The following MTR variants were observed in gnomAD, a reference collection of about 807,000 sequenced individuals.
The protein encoded by MTR is 5-methyltetrahydrofolate-homocysteine methyltransferase, also known as methionine synthase.
A neutral mutation model predicts 154.8 loss-of-function variants in MTR; 84 were observed. The ratio of observed to expected loss-of-function variants is 0.54; its 90% confidence interval spans 0.45 to 0.65. The LOEUF (loss-of-function observed/expected upper bound fraction) is 0.65. Ranked by LOEUF, MTR falls within the 30% of genes least tolerant of loss-of-function variation. The pLI is 0.00. For missense variants in MTR, 1,275 were observed against 1,570.2 expected, an observed-to-expected ratio of 0.81 and a Z score of 3.18; for synonymous variants, 554 against 553.9, an observed-to-expected ratio of 1.00 and a Z score of 0.00.
intron 24 of MTR, among the ~76,000 whole-genome samples, chr1:236,876,802 C>T (rs1665460263): frequency 6.6e-6 from 1 of 152,154 alleles, no homozygotes; most frequent in African/African-American, 2.4e-5. Flanking sequence ...CAGTTGCAAC[C>T]TGATATATCA....
chr1:236,820,000 T>C (rs1558285075), intron 8 of MTR: 1 of 1,115,350 alleles, frequency 9.0e-7, no homozygotes, highest in East Asian at 2.3e-5. Flanking sequence ...CCATGGCTTC[T>C]TGTGGTTACT....
intron 20 of MTR, among the ~76,000 whole-genome samples, 194 bp from the exon 21 acceptor site, chr1:236,862,042 T>G (rs1664576035): frequency 6.6e-6 from 1 of 152,248 alleles, no homozygotes; most frequent in African/African-American, 2.4e-5. Context: ...GTTTTCCTTC[T>G]GCTGTACCTT....
At chr1:236,828,928 T>A (rs1315033534) in intron 11 of MTR, among the ~76,000 whole-genome samples, 1 of 152,038 alleles carries the variant, frequency 6.6e-6, no homozygotes, top group Non-Finnish European at 1.5e-5. Context: ...CAGGTTCATG[T>A]CTCAGAAAGT....
intron 13 of MTR, among the ~76,000 whole-genome samples, chr1:236,835,111 G>A (rs974434534): frequency 1.3e-5 from 2 of 152,006 alleles, no homozygotes; most frequent in African/African-American, 4.8e-5. Context: ...GATGGGGCTT[G>A]AGCTGGGTCT....
chr1:236,875,842 GAAA>G, intron 24 of MTR, among the ~76,000 whole-genome samples: 1 of 152,248 alleles, frequency 6.6e-6, no homozygotes, highest in South Asian at 2.1e-4. Flanking sequence ...TATATAGAGA[GAAA>G]GAGATTTATT....
chr1:236,827,368 G>A (rs1662350090), intron 11 of MTR, among the ~76,000 whole-genome samples: 1 of 152,138 alleles, frequency 6.6e-6, no homozygotes, highest in African/African-American at 2.4e-5. Flanking sequence ...TTTATATTAT[G>A]AAACATTTTA....
At position 236,825,366 on chromosome 1, in the gene MTR, T is replaced by C. The variant is rs201182519; in HGVS notation, c.894T>C (p.Asp298=). The stretch of plus-strand genomic sequence containing the variant: ...TTCCCAACACCTTTGGTGACTATGA[T>C]GAAACGCCTTCTATGATGGCCAAGC... The part of the protein sequence containing the change: ...AGLPNTFGDY[D]ETPSMMAKHL... The change falls in exon 10 of 33, where the codon GAT becomes GAC. Residue 298 remains aspartate, a synonymous_variant. Coordinates refer to ENST00000366577, the MANE Select transcript of MTR (RefSeq NM_000254.3). 26 of 1,613,940 alleles carry C rather than the reference T, an allele frequency of 1.6e-5. 1 individual carries two copies. The South Asian group carries it at 2.7e-4, about 17-fold the overall frequency.
chr1:236,835,140 A>G (rs966685179), intron 13 of MTR, among the ~76,000 whole-genome samples: 1 of 151,832 alleles, frequency 6.6e-6, no homozygotes, highest in Non-Finnish European at 1.5e-5. Context: ...GTGGAAGGGA[A>G]AGGGATTGCG....
At chr1:236,831,294 T>C (rs189801243) in intron 12 of MTR, among the ~76,000 whole-genome samples, 24 of 152,372 alleles carry the variant, frequency 1.6e-4, no homozygotes, top group African/African-American at 5.5e-4. Context: ...ACATGTATTA[T>C]CTGATATTTG....
chr1:236,876,712 G>GAA (rs36013971), intron 24 of MTR, among the ~76,000 whole-genome samples: 259 of 151,058 alleles, frequency 1.7e-3, no homozygotes, highest in African/African-American at 5.5e-3. Context: ...CCAGATTAAA[G>GAA]AAAAAAAAAC....
At position 236,874,726 on chromosome 1, in the gene MTR, A is replaced by T. The variant is rs1359827243; in HGVS notation, c.2474A>T (p.Asp825Val). 1.3e-6 allele frequency: 2 copies of T among 1,566,408 alleles called. No individual in the cohort carries two copies. Among genetic ancestry groups the T allele is most frequent in the Non-Finnish European group, 1.7e-6 (2 of 1,156,412 alleles). Reference sequence around the variant, plus strand: ...TTTTTTTTAAAAAAAAAAAAAATAGATATAATTGGCCTGTCAGGACTCATC... The same window carrying T: ...TTTTTTTTAAAAAAAAAAAAAATAGTTATAATTGGCCTGTCAGGACTCATC... ...ILKAALDHKA[D>V]IIGLSGLITP... The change falls in exon 24 of 33, where the codon GAT becomes GTT. Residue 825 changes from aspartate to valine, a missense_variant and splice_region_variant. By Grantham distance (152) the Asp-to-Val change is radical. Transcript: ENST00000366577.
At chr1:236,862,479 T>G in intron 21 of MTR, 136 bp downstream of exon 21, 1 of 712,120 alleles carries the variant, frequency 1.4e-6, no homozygotes, top group South Asian at 1.5e-5. Context: ...CCCACATCTC[T>G]CCCTTTTTTA....
chr1:236,808,508 A>G lies in MTR; in HGVS notation c.340-196A>G, dbSNP rs1420843126. Among the ~76,000 whole-genome samples the G allele has an allele frequency of 5.9e-5, 9 of 152,220 alleles. No homozygotes were observed. In the East Asian group the frequency reaches 7.7e-4, roughly 13 times the overall value. ...GAGGAGAACCTAAAAGCAGTTCCCAAGGACTCTTGTCTTTCCTTGCTGCCT... is the reference window on the plus strand; with the variant it reads ...GAGGAGAACCTAAAAGCAGTTCCCAGGGACTCTTGTCTTTCCTTGCTGCCT... On this transcript the variant is annotated intron_variant, in intron 3 of 32. Coordinates refer to ENST00000366577, the MANE Select transcript of MTR (RefSeq NM_000254.3).
intron 16 of MTR, among the ~76,000 whole-genome samples, chr1:236,851,796 A>G (rs1319634166): frequency 6.6e-6 from 1 of 152,214 alleles, no homozygotes; most frequent in Non-Finnish European, 1.5e-5. Context: ...CTAAAGATTT[A>G]TCTGTGTGGC....
chr1:236,889,382 T>A lies in MTR; in HGVS notation c.3007+46T>A, dbSNP rs145423109. ...CTTTCTGCCTCTGATATTCAAGCTGTGGGATTGTGACTTTGAAGACCGGAA... is the reference window on the plus strand; with the variant it reads ...CTTTCTGCCTCTGATATTCAAGCTGAGGGATTGTGACTTTGAAGACCGGAA... On this transcript the variant is annotated intron_variant, in intron 28 of 32. Transcript: ENST00000366577. The A allele has an allele frequency of 9.9e-5, 160 of 1,611,944 alleles. 1 individual carries two copies. The East Asian group carries it at 2.5e-3, about 25-fold the overall frequency.
intron 1 of MTR, among the ~76,000 whole-genome samples, chr1:236,799,734 C>T (rs1275015906): frequency 6.6e-6 from 1 of 151,278 alleles, no homozygotes; most frequent in African/African-American, 2.4e-5. Context: ...TTATTTTTGT[C>T]TATGGTGACT....
intron 20 of MTR, 27 bp downstream of exon 20, chr1:236,861,304 C>T (rs1277679402): frequency 6.2e-7 from 1 of 1,613,464 alleles, no homozygotes; most frequent in Non-Finnish European, 8.5e-7. Flanking sequence ...GAGAAATTTT[C>T]ACAGTTGCAT....
chr1:236,864,453 A>G (rs949640790), intron 22 of MTR, among the ~76,000 whole-genome samples: 1 of 152,242 alleles, frequency 6.6e-6, no homozygotes, highest in Non-Finnish European at 1.5e-5. Context: ...GGCTGGAGAC[A>G]GAGAAGCAGT....
intron 1 of MTR, 149 bp downstream of exon 1, chr1:236,795,886 G>C: frequency 8.2e-7 from 1 of 1,219,092 alleles, no homozygotes; most frequent in Non-Finnish European, 1.2e-6. Context: ...CTTAGCGCAG[G>C]AGCCCGGAGG....
Sources: allele counts gnomAD v4.1 joint callset (sites outside exome capture counted in the v4.1 genomes callset), GRCh38; gene constraint gnomAD v4.1.1; transcripts MANE v1.5; gene names NCBI Gene and HGNC (gene_info 2026-07-23, HGNC 2026-07-21).